The following SLC44A3 variants were observed in gnomAD, a reference collection of about 807,000 sequenced individuals.
SLC44A3 encodes the protein solute carrier family 44 member 3, also known as choline transporter-like protein 3.
Under a neutral mutation model 75.4 loss-of-function variants are expected in SLC44A3, and 74 were observed. That is an observed-to-expected ratio of 0.98 (90% CI 0.81 to 1.19). The LOEUF (loss-of-function observed/expected upper bound fraction) is 1.19. Ranked by LOEUF, SLC44A3 falls within the 50% of genes most tolerant of loss-of-function variation. The pLI is 0.00. For synonymous variants in SLC44A3, 310 were observed against 296.9 expected, an observed-to-expected ratio of 1.04 and a Z score of -0.45; for missense variants, 700 against 778.6, an observed-to-expected ratio of 0.90 and a Z score of 1.20.
intron 5 of SLC44A3, among the ~76,000 whole-genome samples, chr1:94,832,351 TAA>T (rs906051189): frequency 2.0e-5 from 3 of 151,810 alleles, no homozygotes; most frequent in African/African-American, 7.3e-5. Context: ...TGAAGTGTAT[TAA>T]GTTAAAAAAA....
intron 5 of SLC44A3, among the ~76,000 whole-genome samples, chr1:94,835,635 G>A (rs948219491): frequency 3.3e-5 from 5 of 152,156 alleles, no homozygotes; most frequent in African/African-American, 1.2e-4. Context: ...ATGGATGTGG[G>A]TTTAAGAATA....
intron 5 of SLC44A3, chr1:94,836,963 A>G (rs1044160640): frequency 2.0e-5 from 3 of 151,878 alleles, no homozygotes; most frequent in East Asian, 3.9e-4. Context: ...AAAATGTAGT[A>G]TATGTACACA....
At chr1:94,880,631 C>A (rs1343381090) in intron 12 of SLC44A3, among the ~76,000 whole-genome samples, 1 of 151,926 alleles carries the variant, frequency 6.6e-6, no homozygotes, top group African/African-American at 2.4e-5. Context: ...CTGTATTTGG[C>A]AAACACAGTA....
At chr1:94,881,184 C>T (rs943279799) in intron 12 of SLC44A3, among the ~76,000 whole-genome samples, 21 of 152,234 alleles carry the variant, frequency 1.4e-4, no homozygotes, top group African/African-American at 4.6e-4. Flanking sequence ...TCTGGCCAGG[C>T]TGTCTGTCAC....
intron 6 of SLC44A3, 69 bp from the exon 7 acceptor site, chr1:94,839,879 G>T: frequency 9.1e-7 from 1 of 1,094,250 alleles, no homozygotes; most frequent in East Asian, 2.4e-5. Context: ...TTTTGTCATC[G>T]CAGTACTACC....
chr1:94,885,324 G>T (rs2101639822), intron 12 of SLC44A3, among the ~76,000 whole-genome samples: 1 of 150,708 alleles, frequency 6.6e-6, no homozygotes, highest in East Asian at 2.0e-4. Flanking sequence ...ATGAGACGAT[G>T]ATCCGAGGGT....
rs943692261 is a variant in SLC44A3, at chr1:94,895,185, T to G, written c.*263T>G. The G allele has an allele frequency of 6.2e-6, 2 of 324,660 alleles. No homozygotes were observed. Among genetic ancestry groups the G allele is most frequent in the African/African-American group, 4.1e-5 (2 of 48,206 alleles). The allele number at this position is 324,660 out of a possible 1,614,324, so 20.1% of individuals were successfully genotyped here. ...ATGCATCAACTTACAAAGTACACTATGTAAGAACTGAGGTAAGTTTGTAAG... is the reference window on the plus strand; with the variant it reads ...ATGCATCAACTTACAAAGTACACTAGGTAAGAACTGAGGTAAGTTTGTAAG... On this transcript the variant is annotated 3_prime_UTR_variant, in exon 15 of 15. Coordinates refer to ENST00000271227, the MANE Select transcript of SLC44A3 (RefSeq NM_001114106.3).
At chr1:94,828,267 T>A (rs889601839) in intron 4 of SLC44A3, among the ~76,000 whole-genome samples, 3 of 152,222 alleles carry the variant, frequency 2.0e-5, no homozygotes, top group African/African-American at 7.2e-5. Flanking sequence ...CAGATTATTT[T>A]AGGACCAATC....
chr1:94,855,482 C>T (rs754834328), intron 9 of SLC44A3: 5 of 152,168 alleles, frequency 3.3e-5, no homozygotes, highest in Non-Finnish European at 5.9e-5. Flanking sequence ...GAGGGGCCAC[C>T]TCCTCTGGAA....
At chr1:94,847,322 C>G (rs146320294) in intron 9 of SLC44A3, among the ~76,000 whole-genome samples, 48 of 152,282 alleles carry the variant, frequency 3.2e-4, no homozygotes, top group African/African-American at 1.1e-3. Context: ...AAAGGCTGCT[C>G]AGGCTCCCAC....
chr1:94,828,409 C>T (rs952028423), intron 4 of SLC44A3, 84 bp from the exon 5 acceptor site: 1 of 1,119,234 alleles, frequency 8.9e-7, no homozygotes, highest in Non-Finnish European at 1.3e-6. Flanking sequence ...GATTCTTTCT[C>T]CTTTCTGGTT....
At chr1:94,835,844 A>G (rs915937434) in intron 5 of SLC44A3, among the ~76,000 whole-genome samples, 2 of 152,246 alleles carry the variant, frequency 1.3e-5, no homozygotes, top group Non-Finnish European at 2.9e-5. Context: ...CTGTGAGGAA[A>G]TGTACTTCGG....
intron 12 of SLC44A3, among the ~76,000 whole-genome samples, chr1:94,874,814 C>T (rs1668110581): frequency 6.6e-6 from 1 of 152,128 alleles, no homozygotes; most frequent in South Asian, 2.1e-4. Context: ...GTAACCTGAC[C>T]TAGGTTAGAC....
intron 10 of SLC44A3, among the ~76,000 whole-genome samples, chr1:94,861,174 G>A (rs919074597): frequency 1.3e-5 from 2 of 152,200 alleles, no homozygotes; most frequent in Admixed American, 1.3e-4. Context: ...TATTATTTAT[G>A]TATGAATAAC....
At chr1:94,878,276 A>G (rs1668548044) in intron 12 of SLC44A3, among the ~76,000 whole-genome samples, 2 of 151,658 alleles carry the variant, frequency 1.3e-5, no homozygotes, top group South Asian at 4.2e-4. Flanking sequence ...AAAAACAGAG[A>G]AACTTGGTTG....
chr1:94,845,470 G>T lies in SLC44A3; in HGVS notation c.1072+6G>T, dbSNP rs1163889305. ...GCTGAGCCTGGGAACTGCAGGTAAG[G>T]GACAGTGGGTGTGGGTTCCATCACC... is the stretch of plus-strand genomic sequence containing the variant. On this transcript the variant is annotated splice_donor_region_variant and intron_variant, in intron 9 of 14. Transcript: ENST00000271227. 1.2e-6 allele frequency: 2 copies of T among 1,604,164 alleles called. No homozygotes were observed. Among genetic ancestry groups the T allele is most frequent in the Admixed American group, 1.7e-5 (1 of 59,036 alleles).
intron 2 of SLC44A3, among the ~76,000 whole-genome samples, chr1:94,822,701 C>A (rs1326424381): frequency 7.2e-5 from 11 of 152,202 alleles, no homozygotes; most frequent in African/African-American, 2.7e-4. Flanking sequence ...TGGACTATCT[C>A]TGCCTCTACT....
chr1:94,854,810 G>A (rs1665665530), intron 9 of SLC44A3, among the ~76,000 whole-genome samples: 2 of 151,918 alleles, frequency 1.3e-5, no homozygotes, highest in Admixed American at 1.3e-4. Flanking sequence ...TGGGAGGGGA[G>A]GGAGAGCTTC....
rs548376722 is a variant in SLC44A3, at chr1:94,895,110, CT to C, written c.*195del. ...CAATACTGGAACTATATTAGTTTAC[CT>C]TTTTTTGTACAAATTAGGACAGAAA... On this transcript the variant is annotated 3_prime_UTR_variant, in exon 15 of 15. Coordinates refer to ENST00000271227, the MANE Select transcript of SLC44A3 (RefSeq NM_001114106.3). The C allele has an allele frequency of 2.7e-5, 14 of 524,552 alleles. No individual in the cohort carries two copies. The highest frequency in any genetic ancestry group is 3.8e-5 in the Non-Finnish European group (11 of 289,734). The allele number at this position is 524,552 out of a possible 1,614,324, so 32.5% of individuals were successfully genotyped here. A position where few individuals can be genotyped will look rare whatever the true frequency, so the allele number is the denominator to read the frequency against.
Sources: allele counts gnomAD v4.1 joint callset (sites outside exome capture counted in the v4.1 genomes callset), GRCh38; gene constraint gnomAD v4.1.1; transcripts MANE v1.5; gene names NCBI Gene and HGNC (gene_info 2026-07-23, HGNC 2026-07-21).